The following BCAP29 variants were observed in gnomAD, a reference collection of about 807,000 sequenced individuals.
The protein encoded by BCAP29 is B-cell receptor-associated protein 29.
In BCAP29, 34 loss-of-function variants were observed where a neutral mutation model predicts 31.8. The ratio of observed to expected loss-of-function variants is 1.07; its 90% CI spans 0.81 to 1.42. The LOEUF (loss-of-function observed/expected upper bound fraction) is 1.42, where lower values mean the gene tolerates loss of function less well. Among genes scored for constraint, BCAP29 ranks in the 40% most tolerant of loss-of-function variants. The pLI is 0.00. For synonymous variants in BCAP29, 104 were observed against 91.3 expected, an observed-to-expected ratio of 1.14 and a Z score of -0.79; for missense variants, 314 against 269.2, an observed-to-expected ratio of 1.17 and a Z score of -1.16.
chr7:107,620,031 C>G lies in BCAP29; in HGVS notation c.*1668C>G, dbSNP rs1473719620. ...ACAGTGATTCTCAAAGTTGTTCAGA[C>G]TGTATAGTAAGGAGAAAGTCTGGTT... On this transcript the variant is annotated 3_prime_UTR_variant, in exon 8 of 8. Transcript: ENST00000005259. 6.6e-6 allele frequency: 1 copy of G among 152,118 alleles called. No homozygotes were observed. Among genetic ancestry groups the G allele is most frequent in the East Asian group, 1.9e-4 (1 of 5,194 alleles). The allele number at this position is 152,118 out of a possible 1,614,324, so 9.4% of individuals were successfully genotyped here.
chr7:107,590,728 A>G (rs1466021876), intron 3 of BCAP29, among the ~76,000 whole-genome samples: 1 of 151,654 alleles, frequency 6.6e-6, no homozygotes, highest in Non-Finnish European at 1.5e-5. Context: ...CTGAGGTGGG[A>G]GAGTTGCTTG....
At chr7:107,604,172 C>T (rs953852313) in intron 6 of BCAP29, among the ~76,000 whole-genome samples, 7 of 152,148 alleles carry the variant, frequency 4.6e-5, no homozygotes, top group Non-Finnish European at 7.4e-5. Context: ...GATAATTCAA[C>T]TCTCTTCCTG....
chr7:107,593,558 A>G (rs1376453101), intron 3 of BCAP29, among the ~76,000 whole-genome samples: 3 of 152,236 alleles, frequency 2.0e-5, no homozygotes, highest in Non-Finnish European at 2.9e-5. Context: ...TAGTGTAGTA[A>G]GAGAAATGGG....
intron 3 of BCAP29, among the ~76,000 whole-genome samples, chr7:107,585,405 G>A (rs1311941164): frequency 3.3e-5 from 5 of 152,182 alleles, no homozygotes; most frequent in Non-Finnish European, 1.5e-5. Context: ...CATTATTAAT[G>A]TTATGGATTG....
chr7:107,604,049 A>G (rs1444724395), intron 6 of BCAP29, among the ~76,000 whole-genome samples: 1 of 152,158 alleles, frequency 6.6e-6, no homozygotes, highest in East Asian at 1.9e-4. Context: ...TATACTAACA[A>G]TCAGAAACTG....
At chr7:107,600,617 C>A in intron 6 of BCAP29, 112 bp downstream of exon 6, 1 of 564,576 alleles carries the variant, frequency 1.8e-6, no homozygotes, top group South Asian at 2.8e-5. Flanking sequence ...TCTAAGATAC[C>A]GAGAATGACC....
At chr7:107,615,209 A>G (rs751949284) in intron 7 of BCAP29, 17 of 456,564 alleles carry the variant, frequency 3.7e-5, no homozygotes, top group Non-Finnish European at 1.3e-5. Context: ...GAATATATAT[A>G]ACAGTGAGAT....
intron 3 of BCAP29, among the ~76,000 whole-genome samples, chr7:107,590,285 A>C (rs1383824793): frequency 2.0e-5 from 3 of 152,186 alleles, no homozygotes; most frequent in Admixed American, 2.0e-4. Context: ...AAGATTTAGA[A>C]GGAAGATTTC....
intron 7 of BCAP29, among the ~76,000 whole-genome samples, chr7:107,617,313 C>T (rs1384250639): frequency 3.3e-5 from 5 of 152,052 alleles, no homozygotes; most frequent in African/African-American, 9.7e-5. Context: ...AAGAGGGAAA[C>T]GCTGATTTCT....
Position 107,612,420 on chromosome 7 carries a change from TATATATATATATATATA to T in BCAP29, c.590-911_590-895del, listed in dbSNP as rs1563141377. On this transcript the variant is annotated intron_variant, in intron 6 of 7. Coordinates refer to ENST00000005259, the MANE Select transcript of BCAP29 (RefSeq NM_018844.4). ...ATATATATATATATATATATATATA[TATATATATATATATATA>T]TATTTATTTTACTTCTATCTAAGGC... 3.3e-3 allele frequency among the ~76,000 whole-genome samples: 145 copies of T among 44,294 alleles called. 7 individuals carry two copies. In the South Asian group the frequency reaches 0.073, roughly 22 times the overall value. The allele number at this position is 44,294 out of a possible 152,430, so 29.1% of individuals were successfully genotyped here.
At chr7:107,585,185 T>C (rs899390465) in intron 3 of BCAP29, among the ~76,000 whole-genome samples, 1 of 152,170 alleles carries the variant, frequency 6.6e-6, no homozygotes, top group South Asian at 2.1e-4. Flanking sequence ...TTAAATAGGA[T>C]TTAGAGAGGC....
At chr7:107,597,190 A>G (rs947313260) in intron 5 of BCAP29, among the ~76,000 whole-genome samples, 2 of 152,214 alleles carry the variant, frequency 1.3e-5, no homozygotes, top group African/African-American at 4.8e-5. Context: ...GGTTTTGAAA[A>G]ATAAGCTAAG....
intron 5 of BCAP29, among the ~76,000 whole-genome samples, chr7:107,599,309 T>TTA (rs377116339): frequency 0.38 from 26,431 of 68,676 alleles, 6,179 homozygotes; most frequent in South Asian, 0.62. Context: ...TATATAAATT[T>TTA]TATATATATA....
At chr7:107,599,136 T>C (rs1810464532) in intron 5 of BCAP29, among the ~76,000 whole-genome samples, 1 of 126,908 alleles carries the variant, frequency 7.9e-6, no homozygotes, top group Non-Finnish European at 1.6e-5. Context: ...ATTAAAAATT[T>C]ATATGTATAT....
At chr7:107,580,618 T>G in intron 1 of BCAP29, 141 bp from the exon 2 acceptor site, 2 of 597,664 alleles carry the variant, frequency 3.3e-6, no homozygotes, top group South Asian at 4.2e-5. Flanking sequence ...TTCCCCTTCC[T>G]GACCGGGGTC....
chr7:107,609,374 A>G (rs907028588), intron 6 of BCAP29, among the ~76,000 whole-genome samples: 2 of 152,202 alleles, frequency 1.3e-5, no homozygotes, highest in African/African-American at 4.8e-5. Context: ...CTTTGACAGC[A>G]TTATAGACAA....
intron 6 of BCAP29, among the ~76,000 whole-genome samples, chr7:107,604,566 G>A (rs1481871491): frequency 6.6e-6 from 1 of 151,994 alleles, no homozygotes; most frequent in Non-Finnish European, 1.5e-5. Flanking sequence ...AATTTTTGTG[G>A]ACGTGAACTT....
chr7:107,607,256 G>T (rs1006397649), intron 6 of BCAP29, among the ~76,000 whole-genome samples: 6 of 152,222 alleles, frequency 3.9e-5, no homozygotes, highest in Admixed American at 1.3e-4. Flanking sequence ...GGCACAGGTT[G>T]CAGTGATCCA....
intron 5 of BCAP29, among the ~76,000 whole-genome samples, chr7:107,599,686 A>G (rs1262160350): frequency 2.0e-5 from 3 of 152,054 alleles, no homozygotes; most frequent in African/African-American, 7.2e-5. Context: ...TGATAATTAT[A>G]GTTTCTGTAC....
Sources: allele counts gnomAD v4.1 joint callset (sites outside exome capture counted in the v4.1 genomes callset), GRCh38; gene constraint gnomAD v4.1.1; transcripts MANE v1.5; gene names NCBI Gene and HGNC (gene_info 2026-07-23, HGNC 2026-07-21).